Variants in SASH1 observed in about 807,000 individuals in gnomAD.
SASH1 encodes the protein SAM and SH3 domain-containing protein 1.
A neutral mutation model predicts 125.2 loss-of-function variants in SASH1; 44 were observed. The ratio of observed to expected loss-of-function variants is 0.35; its 90% CI spans 0.28 to 0.45. The LOEUF (loss-of-function observed/expected upper bound fraction) is 0.45. SASH1 is among the 20% of genes least tolerant of loss of function. SASH1 has a pLI of 1.00. For missense variants in SASH1, 1,426 were observed against 1,614.5 expected, an observed-to-expected ratio of 0.88 and a Z score of 2.00; for synonymous variants, 639 against 649.1, an observed-to-expected ratio of 0.98 and a Z score of 0.24.
At chr6:148,449,052 C>T (rs7764150) in intron 4 of SASH1, among the ~76,000 whole-genome samples, 37,991 of 138,142 alleles carry the variant, frequency 0.28, 5,507 homozygotes, top group African/African-American at 0.37. Context: ...ATAGAATACC[C>T]GAGACTGGCT....
chr6:148,360,401 G>A (rs1489053888), intron 1 of SASH1, among the ~76,000 whole-genome samples: 2 of 147,840 alleles, frequency 1.4e-5, no homozygotes, highest in Non-Finnish European at 3.0e-5. Flanking sequence ...TGGCTGGAGT[G>A]CAGTGGCGTG....
intron 1 of SASH1, among the ~76,000 whole-genome samples, chr6:148,361,196 C>T (rs1782189035): frequency 6.6e-6 from 1 of 152,194 alleles, no homozygotes; most frequent in African/African-American, 2.4e-5. Context: ...AGTTTTAAGC[C>T]ACCCAATTAT....
At chr6:148,263,083 A>G in the SASH1 span, among the ~76,000 whole-genome samples, 9 of 152,238 alleles carry the variant, frequency 5.9e-5, no homozygotes, top group Non-Finnish European at 1.0e-4. Context: ...AACAGCAGAC[A>G]GCATTGCAGA....
the SASH1 span, among the ~76,000 whole-genome samples, chr6:148,212,696 C>G: frequency 2.0e-5 from 3 of 152,192 alleles, no homozygotes; most frequent in Non-Finnish European, 4.4e-5. Context: ...CACATCTATT[C>G]TCAAGGGTTT....
intron 10 of SASH1, chr6:148,525,064 C>G: frequency 1.9e-6 from 1 of 522,054 alleles, no homozygotes; most frequent in African/African-American, 1.9e-5. Flanking sequence ...GATTCTAGAC[C>G]TCTGGGGTAG....
intron 8 of SASH1, among the ~76,000 whole-genome samples, chr6:148,497,081 T>G (rs1274205701): frequency 2.6e-5 from 4 of 152,066 alleles, no homozygotes; most frequent in African/African-American, 9.7e-5. Flanking sequence ...GAAACTAAAA[T>G]GATAGTAAAA....
At chr6:148,222,473 G>A in the SASH1 span, among the ~76,000 whole-genome samples, 3 of 152,202 alleles carry the variant, frequency 2.0e-5, no homozygotes, top group Middle Eastern at 0.01. Context: ...ATCATTCAAT[G>A]CCCTGTGCAC....
At chr6:148,420,613 C>T (rs962054405) in intron 2 of SASH1, among the ~76,000 whole-genome samples, 10 of 152,112 alleles carry the variant, frequency 6.6e-5, no homozygotes, top group African/African-American at 2.4e-4. Flanking sequence ...ATGCTGAAGT[C>T]ATATGGTGGG....
chr6:148,458,908 A>C (rs1777479761), intron 4 of SASH1, among the ~76,000 whole-genome samples: 1 of 151,326 alleles, frequency 6.6e-6, no homozygotes. Context: ...TAGAGGCTGC[A>C]GTGAGCCATG....
the SASH1 span, among the ~76,000 whole-genome samples, chr6:148,262,505 G>T: frequency 1.3e-5 from 2 of 152,154 alleles, no homozygotes; most frequent in African/African-American, 4.8e-5. Flanking sequence ...TAGGCTAACT[G>T]CAGGACCTGC....
chr6:148,220,597 A>G, the SASH1 span, among the ~76,000 whole-genome samples: 1 of 152,200 alleles, frequency 6.6e-6, no homozygotes, highest in Admixed American at 6.5e-5. Context: ...ACAAGAGTAA[A>G]TGGCCAATAC....
intron 1 of SASH1, among the ~76,000 whole-genome samples, chr6:148,345,659 A>G (rs924068227): frequency 3.9e-5 from 6 of 152,212 alleles, no homozygotes; most frequent in Non-Finnish European, 8.8e-5. Context: ...ACATCAAGAC[A>G]CAAAATTAAC....
chr6:148,270,749 T>A (rs1024002624), upstream of SASH1, among the ~76,000 whole-genome samples: 1 of 152,126 alleles, frequency 6.6e-6, no homozygotes, highest in African/African-American at 2.4e-5. Context: ...ATCACTGATA[T>A]TAGAGGTTTG....
intron 1 of SASH1, among the ~76,000 whole-genome samples, chr6:148,386,343 A>C (rs984956214): frequency 1.3e-5 from 2 of 152,232 alleles, no homozygotes; most frequent in African/African-American, 4.8e-5. Flanking sequence ...ATAATATATA[A>C]ATAGTTTTTT....
chr6:148,275,014 A>T (rs1156419763), intron 1 of SASH1, among the ~76,000 whole-genome samples: 1 of 152,142 alleles, frequency 6.6e-6, no homozygotes, highest in African/African-American at 2.4e-5. Context: ...CACCATGCCA[A>T]TTCACAGAAC....
chr6:148,351,643 C>T (rs1400315430), intron 1 of SASH1, among the ~76,000 whole-genome samples: 1 of 128,932 alleles, frequency 7.8e-6, no homozygotes, highest in African/African-American at 2.9e-5. Context: ...GCCCTAGTTA[C>T]TCACCGCTTT....
chr6:148,326,212 G>A (rs1164968457), intron 1 of SASH1, among the ~76,000 whole-genome samples: 1 of 147,406 alleles, frequency 6.8e-6, no homozygotes, highest in Non-Finnish European at 1.5e-5. Flanking sequence ...ATTTTTAGTA[G>A]AGATGGGGTT....
intron 9 of SASH1, among the ~76,000 whole-genome samples, chr6:148,515,673 C>T (rs749047253): frequency 1.3e-5 from 2 of 152,180 alleles, no homozygotes; most frequent in Non-Finnish European, 2.9e-5. Flanking sequence ...GCTGATTTTA[C>T]ATTTGGGTGT....
At chr6:148,472,677 G>C (rs79527670) in intron 6 of SASH1, among the ~76,000 whole-genome samples, 10,195 of 152,194 alleles carry the variant, frequency 0.067, 433 homozygotes, top group Non-Finnish European at 0.097. Context: ...AGTAGCAAAG[G>C]GAACTTGAGG....
Sources: allele counts gnomAD v4.1 joint callset (sites outside exome capture counted in the v4.1 genomes callset), GRCh38; gene constraint gnomAD v4.1.1; transcripts MANE v1.5; gene names NCBI Gene and HGNC (gene_info 2026-07-23, HGNC 2026-07-21).